The following ZBTB7C variants were observed in gnomAD, a reference collection of about 807,000 sequenced individuals.
ZBTB7C encodes the protein zinc finger and BTB domain-containing protein 7C.
A neutral mutation model predicts 25.7 loss-of-function variants in ZBTB7C; 8 were observed. That is an observed-to-expected ratio of 0.31 (90% CI 0.18 to 0.56). The LOEUF is 0.56. Ranked by LOEUF, ZBTB7C falls within the 20% of genes least tolerant of loss-of-function variation. The pLI, the probability that ZBTB7C is intolerant of heterozygous loss-of-function variation, is 0.91. For synonymous variants in ZBTB7C, 394 were observed against 369.0 expected, an observed-to-expected ratio of 1.07 and a Z score of -0.78; for missense variants, 824 against 855.2, an observed-to-expected ratio of 0.96 and a Z score of 0.46.
intron 1 of ZBTB7C, among the ~76,000 whole-genome samples, chr18:48,357,524 C>T (rs543577627): frequency 2.0e-5 from 3 of 152,304 alleles, no homozygotes; most frequent in African/African-American, 7.2e-5. Context: ...TGCTGGAGGG[C>T]CCAGGAATTC....
At chr18:48,409,623 C>T (rs1389125839), upstream of ZBTB7C, among the ~76,000 whole-genome samples, 1 of 151,568 alleles carries the variant, frequency 6.6e-6, no homozygotes, top group Non-Finnish European at 1.5e-5. Flanking sequence ...CCGCAGCCCC[C>T]GCCCGGCTCC....
At chr18:48,319,119 T>C (rs2046027951) in intron 2 of ZBTB7C, among the ~76,000 whole-genome samples, 1 of 151,696 alleles carries the variant, frequency 6.6e-6, no homozygotes, top group South Asian at 2.1e-4. Flanking sequence ...CCTCTGTGTG[T>C]GTGTGTGTGT....
chr18:48,069,501 G>A (rs922391849), intron 3 of ZBTB7C, among the ~76,000 whole-genome samples: 1 of 152,118 alleles, frequency 6.6e-6, no homozygotes, highest in African/African-American at 2.4e-5. Context: ...GACAGGCTGG[G>A]CATATGGCAG....
intron 3 of ZBTB7C, among the ~76,000 whole-genome samples, chr18:48,128,952 G>A (rs1195080613): frequency 1.3e-5 from 2 of 152,034 alleles, no homozygotes; most frequent in Admixed American, 1.3e-4. Context: ...GGTAGTGAGT[G>A]TCTCTTCCAC....
At chr18:48,316,724 G>A (rs1214119056) in intron 2 of ZBTB7C, among the ~76,000 whole-genome samples, 1 of 152,172 alleles carries the variant, frequency 6.6e-6, no homozygotes, top group Non-Finnish European at 1.5e-5. Flanking sequence ...GCAGATCCTG[G>A]TGCCATGCTT....
At chr18:48,244,848 AAC>A (rs1222060604) in intron 2 of ZBTB7C, among the ~76,000 whole-genome samples, 2 of 152,052 alleles carry the variant, frequency 1.3e-5, no homozygotes, top group Non-Finnish European at 2.9e-5. Flanking sequence ...TGGGAATGTA[AAC>A]TATTAATACT....
chr18:48,049,352 A>G (rs1166123130), intron 3 of ZBTB7C, among the ~76,000 whole-genome samples: 1 of 152,172 alleles, frequency 6.6e-6, no homozygotes, highest in Non-Finnish European at 1.5e-5. Flanking sequence ...TGTGAGTGGA[A>G]TGAGTCAGCC....
intron 3 of ZBTB7C, among the ~76,000 whole-genome samples, chr18:48,073,008 C>T (rs562973008): frequency 2.0e-5 from 3 of 152,304 alleles, no homozygotes; most frequent in East Asian, 3.9e-4. Flanking sequence ...AAGGAATGAA[C>T]GGGATCCTAT....
chr18:48,330,924 A>T (rs2046329563), intron 2 of ZBTB7C, among the ~76,000 whole-genome samples: 1 of 152,208 alleles, frequency 6.6e-6, no homozygotes, highest in African/African-American at 2.4e-5. Context: ...AGGCAAGGGC[A>T]GTGTTCCAAC....
At chr18:48,218,788 A>C (rs78110328) in intron 2 of ZBTB7C, among the ~76,000 whole-genome samples, 1 of 152,194 alleles carries the variant, frequency 6.6e-6, no homozygotes, top group Non-Finnish European at 1.5e-5. Flanking sequence ...ACCCACCTAC[A>C]GGCCTGCCCT....
chr18:48,167,337 C>T (rs2144996235), intron 3 of ZBTB7C, among the ~76,000 whole-genome samples: 1 of 152,306 alleles, frequency 6.6e-6, no homozygotes, highest in Non-Finnish European at 1.5e-5. Flanking sequence ...GAGCCTTTGG[C>T]CCAGCTCTTT....
chr18:48,221,565 A>T (rs1211408728), intron 2 of ZBTB7C, among the ~76,000 whole-genome samples: 4 of 133,540 alleles, frequency 3.0e-5, no homozygotes, highest in Non-Finnish European at 4.7e-5. Flanking sequence ...CTCCCTCTAT[A>T]CTGTCCTTGT....
At chr18:48,341,151 A>C (rs1034512185) in intron 1 of ZBTB7C, among the ~76,000 whole-genome samples, 6 of 152,094 alleles carry the variant, frequency 3.9e-5, no homozygotes, top group Non-Finnish European at 5.9e-5. Flanking sequence ...TTACCCCTCC[A>C]TCCATCCATT....
At chr18:48,335,417 C>T (rs777571790) in intron 2 of ZBTB7C, among the ~76,000 whole-genome samples, 9 of 152,148 alleles carry the variant, frequency 5.9e-5, no homozygotes, top group Non-Finnish European at 1.0e-4. Flanking sequence ...CTTCAGGAAC[C>T]GCCTGAAGGT....
At chr18:48,130,467 T>A (rs937361914) in intron 3 of ZBTB7C, among the ~76,000 whole-genome samples, 1 of 152,154 alleles carries the variant, frequency 6.6e-6, no homozygotes, top group Non-Finnish European at 1.5e-5. Flanking sequence ...ACACGGGTGA[T>A]CTGGTCCTTG....
chr18:48,168,653 G>T (rs2041354176), intron 3 of ZBTB7C, among the ~76,000 whole-genome samples: 1 of 152,174 alleles, frequency 6.6e-6, no homozygotes, highest in South Asian at 2.1e-4. Context: ...AGATCTTGTA[G>T]GTAAGGGACA....
At chr18:48,297,134 T>C (rs1005874420) in intron 2 of ZBTB7C, among the ~76,000 whole-genome samples, 8 of 152,208 alleles carry the variant, frequency 5.3e-5, no homozygotes, top group African/African-American at 1.9e-4. Context: ...GCAGCACATA[T>C]GCCCGCATGT....
chr18:48,391,206 C>A (rs1322006682), intron 1 of ZBTB7C, among the ~76,000 whole-genome samples: 2 of 152,198 alleles, frequency 1.3e-5, no homozygotes, highest in Non-Finnish European at 2.9e-5. Context: ...ACTGAGCCAG[C>A]CAAGTGAAGG....
chr18:48,308,177 G>A (rs1231124408), intron 2 of ZBTB7C, among the ~76,000 whole-genome samples: 2 of 152,112 alleles, frequency 1.3e-5, no homozygotes, highest in Non-Finnish European at 2.9e-5. Context: ...ACACACACAA[G>A]ATTAGGTATG....
Sources: gnomAD v4.1 joint callset for allele counts (sites outside exome capture counted in the v4.1 genomes callset) on GRCh38, gnomAD v4.1.1 for gene constraint, MANE v1.5 for transcripts, NCBI Gene and HGNC (gene_info 2026-07-23, HGNC 2026-07-21) for gene names.